Variants in PTPRD observed in about 807,000 individuals in gnomAD.
The protein encoded by PTPRD is protein tyrosine phosphatase receptor type D, also known as receptor-type tyrosine-protein phosphatase delta.
A neutral mutation model predicts 214.5 loss-of-function variants in PTPRD; 34 were observed. The ratio of observed to expected loss-of-function variants is 0.16; its 90% CI spans 0.12 to 0.21. The LOEUF is 0.21. Among genes scored for constraint, PTPRD ranks in the 10% least tolerant of loss-of-function variants. PTPRD has a pLI of 1.00. For missense variants in PTPRD, 2,545 were observed against 2,398.7 expected, an observed-to-expected ratio of 1.06 and a Z score of -1.27; for synonymous variants, 1,128 against 845.7, an observed-to-expected ratio of 1.33 and a Z score of -5.79.
At chr9:8,626,483 T>A (rs1411158273) in intron 14 of PTPRD, among the ~76,000 whole-genome samples, 1 of 151,876 alleles carries the variant, frequency 6.6e-6, no homozygotes, top group Admixed American at 6.6e-5. Context: ...TAATTGTACG[T>A]GTCACTTGAT....
At chr9:8,920,213 C>T (rs2098817811) in intron 11 of PTPRD, among the ~76,000 whole-genome samples, 1 of 151,954 alleles carries the variant, frequency 6.6e-6, no homozygotes, top group African/African-American at 2.4e-5. Context: ...TGGTGGCAAA[C>T]ACCTGTAGTC....
intron 9 of PTPRD, among the ~76,000 whole-genome samples, chr9:9,232,679 T>G (rs998128104): frequency 1.1e-4 from 16 of 152,168 alleles, no homozygotes; most frequent in Non-Finnish European, 2.1e-4. Flanking sequence ...TATATATTTA[T>G]TTATTATTAA....
chr9:9,402,908 G>T (rs945283130), intron 8 of PTPRD, among the ~76,000 whole-genome samples: 1 of 139,398 alleles, frequency 7.2e-6, no homozygotes, highest in African/African-American at 2.7e-5. Context: ...AATGTAGTGA[G>T]AGGGCATATG....
At chr9:9,718,221 C>T (rs1379079024) in intron 7 of PTPRD, among the ~76,000 whole-genome samples, 1 of 152,110 alleles carries the variant, frequency 6.6e-6, no homozygotes, top group Non-Finnish European at 1.5e-5. Context: ...GAGGAGATGG[C>T]ATTGAAAACA....
chr9:9,683,286 C>G (rs968012956), intron 7 of PTPRD, among the ~76,000 whole-genome samples: 1 of 151,590 alleles, frequency 6.6e-6, no homozygotes, highest in African/African-American at 2.4e-5. Context: ...GGGAATATTA[C>G]CAGGCACTCA....
In PTPRD at chr9:9,773,514, G is replaced by T. The variant is rs181660422; in HGVS notation, c.-367-6663C>A. Among the ~76,000 whole-genome samples, 4 of 152,178 alleles carry T rather than the reference G, an allele frequency of 2.6e-5. No individual in the cohort carries two copies. The East Asian group carries it at 7.7e-4, about 29-fold the overall frequency. ...AATCTTCCTTAATTCTCTAAGAGAGGTATTATAGAATATCTCATGACATAA... is the reference window on the plus strand; with the variant it reads ...AATCTTCCTTAATTCTCTAAGAGAGTTATTATAGAATATCTCATGACATAA... On this transcript the variant is annotated intron_variant, in intron 5 of 45. Transcript: ENST00000381196.
chr9:10,016,378 T>TAGAC (rs1282331157), intron 4 of PTPRD, among the ~76,000 whole-genome samples: 3 of 131,190 alleles, frequency 2.3e-5, no homozygotes, highest in Non-Finnish European at 3.3e-5. Context: ...GATAGATAGA[T>TAGAC]AGATAGATAG....
chr9:10,019,638 G>A (rs1463107106), intron 4 of PTPRD, among the ~76,000 whole-genome samples: 1 of 152,160 alleles, frequency 6.6e-6, no homozygotes, highest in Non-Finnish European at 1.5e-5. Flanking sequence ...GGACATGGAT[G>A]AAGCTGGAAA....
At chr9:10,487,976 C>CTCTCTCTCTCTCTCTCTT (rs1463800732) in intron 2 of PTPRD, among the ~76,000 whole-genome samples, 1 of 146,146 alleles carries the variant, frequency 6.8e-6, no homozygotes, top group African/African-American at 2.5e-5. Context: ...GTCTCTCTCT[C>CTCTCTCTCTCTCTCTCTT]TCTCTCTCTC....
chr9:8,682,632 C>A (rs1355453669), intron 12 of PTPRD, among the ~76,000 whole-genome samples: 1 of 152,124 alleles, frequency 6.6e-6, no homozygotes, highest in Non-Finnish European at 1.5e-5. Flanking sequence ...AAAATGTTAT[C>A]CTAGTGTAGC....
At chr9:10,304,215 C>G (rs956392224) in intron 3 of PTPRD, among the ~76,000 whole-genome samples, 6 of 152,104 alleles carry the variant, frequency 3.9e-5, no homozygotes, top group Non-Finnish European at 5.9e-5. Flanking sequence ...ATTCAACAGC[C>G]CTTCATGCAA....
intron 4 of PTPRD, among the ~76,000 whole-genome samples, chr9:9,960,089 A>C (rs908893620): frequency 2.0e-5 from 3 of 152,140 alleles, no homozygotes; most frequent in Non-Finnish European, 2.9e-5. Context: ...CTCCTTAAAT[A>C]AACGACTGAC....
At chr9:10,273,252 G>A (rs1221731213) in intron 3 of PTPRD, among the ~76,000 whole-genome samples, 1 of 151,984 alleles carries the variant, frequency 6.6e-6, no homozygotes, top group Non-Finnish European at 1.5e-5. Context: ...TCCCTCTTTG[G>A]CTCCTCAGTT....
chr9:9,387,075 G>C (rs1052736174), intron 9 of PTPRD, among the ~76,000 whole-genome samples: 6 of 152,126 alleles, frequency 3.9e-5, no homozygotes, highest in Non-Finnish European at 5.9e-5. Flanking sequence ...TCTTTCCTTT[G>C]TCTTAGCCAG....
intron 6 of PTPRD, among the ~76,000 whole-genome samples, chr9:9,753,947 A>T (rs556946764): frequency 6.6e-6 from 1 of 152,122 alleles, no homozygotes; most frequent in East Asian, 1.9e-4. Context: ...ATAGACTCAG[A>T]TGTTCTTCCC....
At chr9:10,248,791 A>G (rs1156834395) in intron 3 of PTPRD, among the ~76,000 whole-genome samples, 1 of 152,074 alleles carries the variant, frequency 6.6e-6, no homozygotes, top group South Asian at 2.1e-4. Flanking sequence ...GTAGCTCAAA[A>G]ATCTTGTGTC....
intron 5 of PTPRD, among the ~76,000 whole-genome samples, chr9:9,786,963 C>T (rs2098929152): frequency 1.3e-5 from 2 of 151,952 alleles, no homozygotes; most frequent in Non-Finnish European, 1.5e-5. Context: ...GGGCGAAACC[C>T]CATCTCTACT....
intron 2 of PTPRD, among the ~76,000 whole-genome samples, chr9:10,546,923 A>G (rs935874640): frequency 6.6e-6 from 1 of 152,080 alleles, no homozygotes; most frequent in Non-Finnish European, 1.5e-5. Context: ...GCAAAATTTG[A>G]CCAAGTTTGA....
chr9:9,976,640 A>C (rs1178234553), intron 4 of PTPRD, among the ~76,000 whole-genome samples: 1 of 136,234 alleles, frequency 7.3e-6, no homozygotes, highest in Non-Finnish European at 1.5e-5. Context: ...CCCCGCCTTG[A>C]CCTCCCAAAA....
Sources: gnomAD v4.1 joint callset for allele counts (sites outside exome capture counted in the v4.1 genomes callset) on GRCh38, gnomAD v4.1.1 for gene constraint, MANE v1.5 for transcripts, NCBI Gene and HGNC (gene_info 2026-07-23, HGNC 2026-07-21) for gene names.